The following ANK2 variants were observed in gnomAD, a reference collection of about 807,000 sequenced individuals.
ANK2 encodes ankyrin 2.
ANK2 carries 83 observed loss-of-function variants against 360.5 expected under a neutral mutation model. The ratio of observed to expected loss-of-function variants is 0.23; its 90% confidence interval spans 0.19 to 0.28. The LOEUF (loss-of-function observed/expected upper bound fraction) is 0.28. Among genes scored for constraint, ANK2 ranks in the 10% least tolerant of loss-of-function variants. ANK2 has a pLI of 1.00. For missense variants in ANK2, 4,201 were observed against 4,795.7 expected (o/e 0.88, Z 3.66); for synonymous variants, 1,740 against 1,759.5 (o/e 0.99, Z 0.28).
At chr4:112,813,912 A>G (rs868225881), upstream of ANK2, among the ~76,000 whole-genome samples, 2 of 152,048 alleles carry the variant, frequency 1.3e-5, no homozygotes, top group African/African-American at 4.8e-5. Flanking sequence ...TAGAAGGTCA[A>G]CTCTGCTTTC....
At chr4:112,827,618 C>T (rs2058679659) in intron 1 of ANK2, 4 of 870,738 alleles carry the variant, frequency 4.6e-6, no homozygotes, top group Non-Finnish European at 7.6e-6. Context: ...CCACTCTACT[C>T]TCCATCCAGA....
intron 4 of ANK2, among the ~76,000 whole-genome samples, chr4:113,224,444 G>C (rs1050826411): frequency 6.6e-6 from 1 of 152,156 alleles, no homozygotes. Flanking sequence ...TGCACTTGCT[G>C]TATCTGTTCA....
At chr4:112,941,495 G>A (rs1352652725) in intron 2 of ANK2, among the ~76,000 whole-genome samples, 2 of 142,032 alleles carry the variant, frequency 1.4e-5, no homozygotes, top group African/African-American at 2.5e-5. Context: ...ATAAAGGTAT[G>A]TAAATATATA....
chr4:112,770,522 A>G, the ANK2 span, among the ~76,000 whole-genome samples: 1 of 152,206 alleles, frequency 6.6e-6, no homozygotes, highest in Admixed American at 6.5e-5. Context: ...CCTGGCCAAC[A>G]TGGTGAAATC....
At chr4:113,381,151 G>T (rs540013021) in intron 45 of ANK2, among the ~76,000 whole-genome samples, 37 of 152,026 alleles carry the variant, frequency 2.4e-4, no homozygotes, top group African/African-American at 8.7e-4. Context: ...ATGATTTTAT[G>T]GTTAGTTTTT....
At chr4:113,107,072 A>T in intron 1 of ANK2, 1 of 344,486 alleles carries the variant, frequency 2.9e-6, no homozygotes, top group Non-Finnish European at 5.7e-6. Flanking sequence ...ATTCTGATTA[A>T]GGCCTGGTGT....
rs139572650 is a variant in ANK2 at position 113,247,105 on chromosome 4, T to C, written c.892-2659T>C. ...TCCAATGTTGATTGATCTACCTTTA[T>C]GAAAATTATCCACATCATGGTGTAT... is the stretch of plus-strand genomic sequence containing the variant. On this transcript the variant is annotated intron_variant, in intron 9 of 45. Coordinates refer to ENST00000357077, the MANE Select transcript of ANK2 (RefSeq NM_001148.6). 5.7e-3 allele frequency among the ~76,000 whole-genome samples: 863 copies of C among 150,164 alleles called. 8 individuals are homozygous for C. Among genetic ancestry groups the C allele is most frequent in the African/African-American group, 0.02 (817 of 40,086 alleles).
chr4:112,940,347 G>A (rs2094116773), intron 2 of ANK2, among the ~76,000 whole-genome samples: 1 of 152,098 alleles, frequency 6.6e-6, no homozygotes, highest in African/African-American at 2.4e-5. Context: ...GCCTAAAACT[G>A]TGCTAGGAAC....
intron 1 of ANK2, among the ~76,000 whole-genome samples, chr4:112,822,512 G>A (rs1187547636): frequency 2.0e-5 from 3 of 151,770 alleles, no homozygotes; most frequent in African/African-American, 7.3e-5. Flanking sequence ...TTGGGAGGCC[G>A]AGGTGGGCAG....
At chr4:113,037,760 A>G (rs1161740868) in intron 2 of ANK2, among the ~76,000 whole-genome samples, 1 of 152,008 alleles carries the variant, frequency 6.6e-6, no homozygotes, top group African/African-American at 2.4e-5. Context: ...TTCTAGTGTT[A>G]CTGTAAGCCA....
Position 113,223,243 on chromosome 4 carries a change from A to C in ANK2, c.385-8918A>C, listed in dbSNP as rs143128759. Among the ~76,000 whole-genome samples, 152 of 152,302 alleles carry C rather than the reference A, an allele frequency of 1.0e-3. 1 individual carries two copies. The highest frequency in any genetic ancestry group is 3.5e-3 in the African/African-American group (144 of 41,560). On this transcript the variant is annotated intron_variant, in intron 4 of 45. Transcript: ENST00000357077. ...GTATTTCCCAACCAGTGCTAACTGG[A>C]GTCTGTGAACATCCTCCTAGCATGT...
intron 40 of ANK2, 42 bp downstream of exon 40, chr4:113,363,511 T>C: frequency 6.2e-7 from 1 of 1,611,656 alleles, no homozygotes; most frequent in Non-Finnish European, 8.5e-7. Context: ...AAGTTGGACA[T>C]GTCTTGCTCA....
chr4:112,783,321 A>G, the ANK2 span, among the ~76,000 whole-genome samples: 2 of 152,350 alleles, frequency 1.3e-5, 1 homozygote, highest in South Asian at 4.1e-4. Context: ...ACATAATGGA[A>G]CACTACTTAT....
intron 36 of ANK2, 74 bp downstream of exon 36, chr4:113,348,382 C>T: frequency 6.6e-7 from 1 of 1,508,474 alleles, no homozygotes; most frequent in East Asian, 2.3e-5. Context: ...CATAGTTAAC[C>T]TGTGTTCTTA....
At chr4:112,955,089 G>T (rs1452485330) in intron 2 of ANK2, among the ~76,000 whole-genome samples, 2 of 152,072 alleles carry the variant, frequency 1.3e-5, no homozygotes, top group Non-Finnish European at 2.9e-5. Flanking sequence ...TGAAAAATAG[G>T]ATGAAAATTA....
chr4:112,773,776 AATTTTATTTT>A, the ANK2 span, among the ~76,000 whole-genome samples: 213 of 152,074 alleles, frequency 1.4e-3, no homozygotes, highest in African/African-American at 4.9e-3. Context: ...CACCTAAGTA[AATTTTATTTT>A]ATTTTATTTT....
Position 113,026,447 on chromosome 4 carries a change from C to T in ANK2, c.21+121933C>T, listed in dbSNP as rs79322105. Among the ~76,000 whole-genome samples the T allele has an allele frequency of 3.3e-5, 5 of 152,220 alleles. No homozygotes were observed. The East Asian group carries it at 7.7e-4, about 23-fold the overall frequency. ...TTTTAAATTCCTTGATAACAGAAAC[C>T]GTGTCTACTCTTTCCTCTTCAACTA... On this transcript the variant is annotated intron_variant, in intron 2 of 30. Coordinates refer to the ANK2 transcript ENST00000503271.
At chr4:113,093,926 G>A (rs915565873) in intron 1 of ANK2, among the ~76,000 whole-genome samples, 1 of 152,172 alleles carries the variant, frequency 6.6e-6, no homozygotes, top group African/African-American at 2.4e-5. Context: ...TTTGAGTTAG[G>A]AGCTCATTGT....
chr4:113,268,284 T>A (rs1316397540), intron 14 of ANK2, among the ~76,000 whole-genome samples: 1 of 152,206 alleles, frequency 6.6e-6, no homozygotes, highest in Non-Finnish European at 1.5e-5. Context: ...CTTCCAATAC[T>A]ATGTTGAATA....
Sources: allele counts gnomAD v4.1 joint callset (sites outside exome capture counted in the v4.1 genomes callset), GRCh38; gene constraint gnomAD v4.1.1; transcripts MANE v1.5; gene names NCBI Gene and HGNC (gene_info 2026-07-23, HGNC 2026-07-21).